The following CABCOCO1 variants were observed in gnomAD, a reference collection of about 807,000 sequenced individuals.
The protein encoded by CABCOCO1 is ciliary associated calcium binding coiled-coil 1.
Under a neutral mutation model 35.7 loss-of-function variants are expected in CABCOCO1, and 28 were observed. The observed-to-expected ratio is 0.78, with a 90% CI of 0.58 to 1.07. The LOEUF is 1.07. CABCOCO1 is among the 50% of genes least tolerant of loss of function. The probability of loss-of-function intolerance (pLI) is 0.00; values close to 1 mark genes in which losing one functional copy is unlikely to be tolerated. For missense variants in CABCOCO1, 326 were observed against 309.2 expected (o/e 1.05, Z -0.41); for synonymous variants, 95 against 100.1 (o/e 0.95, Z 0.30).
At chr10:61,700,367 A>G (rs1056365057) in intron 5 of CABCOCO1, among the ~76,000 whole-genome samples, 2 of 152,088 alleles carry the variant, frequency 1.3e-5, no homozygotes, top group African/African-American at 4.8e-5. Context: ...TACCACACTA[A>G]TGGGAAAATT....
intron 1 of CABCOCO1, among the ~76,000 whole-genome samples, chr10:61,666,902 A>G (rs969476133): frequency 6.9e-6 from 1 of 144,400 alleles, no homozygotes; most frequent in African/African-American, 2.5e-5. Context: ...TGTATATTAT[A>G]TATTATATAT....
chr10:61,727,298 AT>A (rs1359822808), intron 5 of CABCOCO1, among the ~76,000 whole-genome samples: 1 of 152,190 alleles, frequency 6.6e-6, no homozygotes, highest in Non-Finnish European at 1.5e-5. Context: ...GGAATTTTCA[AT>A]TATCTTAAAA....
chr10:61,673,942 C>G (rs1839434448), intron 2 of CABCOCO1, among the ~76,000 whole-genome samples: 1 of 152,134 alleles, frequency 6.6e-6, no homozygotes, highest in Admixed American at 6.5e-5. Flanking sequence ...ATGTTATTTT[C>G]CATTTCCAGG....
chr10:61,667,242 T>G (rs1261815129), intron 1 of CABCOCO1, among the ~76,000 whole-genome samples: 1 of 148,620 alleles, frequency 6.7e-6, no homozygotes, highest in Admixed American at 6.8e-5. Flanking sequence ...TTTTAAAAAT[T>G]TTGTATATGC....
intron 5 of CABCOCO1, among the ~76,000 whole-genome samples, chr10:61,756,314 C>G (rs975654409): frequency 1.3e-5 from 2 of 151,964 alleles, no homozygotes; most frequent in African/African-American, 4.8e-5. Context: ...CAGATAACAT[C>G]TGGGGGAAAT....
chr10:61,697,784 A>G (rs7923160), intron 5 of CABCOCO1, among the ~76,000 whole-genome samples: 8,269 of 152,142 alleles, frequency 0.054, 796 homozygotes, highest in African/African-American at 0.19. Flanking sequence ...TTATTAACAT[A>G]TTGATAGACA....
chr10:61,677,364 C>T (rs1589113226), intron 2 of CABCOCO1, among the ~76,000 whole-genome samples: 2 of 152,092 alleles, frequency 1.3e-5, no homozygotes, highest in South Asian at 4.1e-4. Context: ...TGGAGGACAT[C>T]AAAGCCCATG....
intron 3 of CABCOCO1, among the ~76,000 whole-genome samples, chr10:61,684,117 G>T (rs977236680): frequency 4.6e-5 from 7 of 152,060 alleles, no homozygotes; most frequent in Admixed American, 3.3e-4. Context: ...ATCATGGAGA[G>T]AGAAATGTAC....
intron 5 of CABCOCO1, among the ~76,000 whole-genome samples, chr10:61,698,990 C>T (rs899102094): frequency 6.6e-6 from 1 of 152,116 alleles, no homozygotes; most frequent in Non-Finnish European, 1.5e-5. Context: ...ATAATCTAAA[C>T]TTATCCAGAT....
chr10:61,753,909 T>C (rs1319187369), intron 5 of CABCOCO1, among the ~76,000 whole-genome samples: 1 of 152,166 alleles, frequency 6.6e-6, no homozygotes, highest in Non-Finnish European at 1.5e-5. Context: ...CATTAACAAA[T>C]TCTTCCCAGT....
chr10:61,696,698 G>A (rs1487483111), intron 5 of CABCOCO1, among the ~76,000 whole-genome samples: 1 of 151,718 alleles, frequency 6.6e-6, no homozygotes, highest in African/African-American at 2.4e-5. Flanking sequence ...TGAGATGGGG[G>A]TCTCACTTTG....
At chr10:61,693,573 CT>C (rs1840213561) in intron 5 of CABCOCO1, among the ~76,000 whole-genome samples, 1 of 152,042 alleles carries the variant, frequency 6.6e-6, no homozygotes, top group Admixed American at 6.6e-5. Flanking sequence ...ATGTGTCAAC[CT>C]TTAATAAAAT....
At chr10:61,664,113 A>C (rs1839094924) in intron 1 of CABCOCO1, among the ~76,000 whole-genome samples, 1 of 152,210 alleles carries the variant, frequency 6.6e-6, no homozygotes, top group African/African-American at 2.4e-5. Flanking sequence ...AATGCAGACC[A>C]CTAAGGCATG....
At chr10:61,746,756 C>T (rs1228183005) in intron 5 of CABCOCO1, among the ~76,000 whole-genome samples, 6 of 151,962 alleles carry the variant, frequency 3.9e-5, no homozygotes, top group Non-Finnish European at 7.4e-5. Flanking sequence ...AAGGAATATT[C>T]TATGTTCTCA....
chr10:61,691,828 C>A (rs2131996854), intron 5 of CABCOCO1, among the ~76,000 whole-genome samples: 1 of 152,148 alleles, frequency 6.6e-6, no homozygotes, highest in South Asian at 2.1e-4. Flanking sequence ...TGAACTCATC[C>A]TTTTTTATGG....
At chr10:61,680,317 A>AAAAT (rs1554821448) in intron 2 of CABCOCO1, among the ~76,000 whole-genome samples, 2 of 140,494 alleles carry the variant, frequency 1.4e-5, no homozygotes, top group East Asian at 4.0e-4. Flanking sequence ...TCTCAAAAAA[A>AAAAT]ATATATATAT....
At chr10:61,730,790 T>C (rs1292489847) in intron 5 of CABCOCO1, among the ~76,000 whole-genome samples, 1 of 152,014 alleles carries the variant, frequency 6.6e-6, no homozygotes, top group Non-Finnish European at 1.5e-5. Context: ...CCTCATATAC[T>C]GCATTAAGAA....
intron 5 of CABCOCO1, among the ~76,000 whole-genome samples, chr10:61,723,265 CTT>C (rs2132044075): frequency 6.6e-6 from 1 of 152,288 alleles, no homozygotes; most frequent in East Asian, 1.9e-4. Context: ...CTAAAAAAGA[CTT>C]GATACAATTT....
intron 5 of CABCOCO1, among the ~76,000 whole-genome samples, chr10:61,735,688 C>T (rs1841400471): frequency 6.6e-6 from 1 of 152,138 alleles, no homozygotes; most frequent in Non-Finnish European, 1.5e-5. Context: ...GCAAAAATTG[C>T]TCCAAAGGCT....
Sources: gnomAD v4.1 joint callset for allele counts (sites outside exome capture counted in the v4.1 genomes callset) on GRCh38, gnomAD v4.1.1 for gene constraint, MANE v1.5 for transcripts, NCBI Gene and HGNC (gene_info 2026-07-23, HGNC 2026-07-21) for gene names.